KIF18A: variants seen among roughly 807,000 people sequenced by gnomAD.
KIF18A encodes the protein kinesin family member 18A, also known as kinesin-like protein KIF18A.
In KIF18A, 67 loss-of-function variants were observed where a neutral mutation model predicts 103.3. That is an observed-to-expected ratio of 0.65 (90% CI 0.53 to 0.79). KIF18A has a LOEUF of 0.79. Ranked by LOEUF, KIF18A falls within the 30% of genes least tolerant of loss-of-function variation. KIF18A has a pLI of 0.00. For missense variants in KIF18A, 1,032 were observed against 1,062.5 expected (o/e 0.97, Z 0.40); for synonymous variants, 367 against 355.5 (o/e 1.03, Z -0.36).
intron 3 of KIF18A, among the ~76,000 whole-genome samples, chr11:28,091,961 G>A (rs1031460120): frequency 6.6e-6 from 1 of 152,048 alleles, no homozygotes; most frequent in African/African-American, 2.4e-5. Context: ...GACTACTGGC[G>A]CCTGCCACCA....
At chr11:28,032,786 C>T (rs1314598781) in intron 15 of KIF18A, among the ~76,000 whole-genome samples, 1 of 151,802 alleles carries the variant, frequency 6.6e-6, no homozygotes, top group Non-Finnish European at 1.5e-5. Context: ...ATTGGGGAAA[C>T]TCTCCAGGAC....
Position 28,049,941 on chromosome 11 carries a change from C to T in KIF18A, c.1948+8985G>A, listed in dbSNP as rs142460575. Among the ~76,000 whole-genome samples the T allele has an allele frequency of 3.6e-3, 544 of 151,658 alleles. 3 individuals carry two copies. Among genetic ancestry groups the T allele is most frequent in the Middle Eastern group, 0.014 (4 of 290 alleles). ...ATTAACCAAATATAAGATAAGGTACCACTAAATTAACCAAACTAATAAACA... is the reference window on the plus strand; with the variant it reads ...ATTAACCAAATATAAGATAAGGTACTACTAAATTAACCAAACTAATAAACA... On this transcript the variant is annotated intron_variant, in intron 13 of 16. Coordinates refer to ENST00000263181, the MANE Select transcript of KIF18A (RefSeq NM_031217.4).
intron 15 of KIF18A, among the ~76,000 whole-genome samples, chr11:28,033,539 A>T (rs1437059441): frequency 1.3e-5 from 2 of 151,820 alleles, no homozygotes; most frequent in Non-Finnish European, 2.9e-5. Context: ...TGAAACAAGA[A>T]TGAGACCCTG....
intron 6 of KIF18A, among the ~76,000 whole-genome samples, chr11:28,087,695 C>T (rs559607141): frequency 2.6e-4 from 40 of 152,276 alleles, no homozygotes; most frequent in African/African-American, 9.4e-4. Context: ...CTAATTTACA[C>T]TCCCACCAAC....
intron 13 of KIF18A, among the ~76,000 whole-genome samples, chr11:28,053,020 A>G (rs899508367): frequency 6.6e-6 from 1 of 152,218 alleles, no homozygotes; most frequent in African/African-American, 2.4e-5. Context: ...AAGCATTGCC[A>G]TTACTTTCAA....
At chr11:28,028,959 C>A (rs980668717) in intron 15 of KIF18A, among the ~76,000 whole-genome samples, 3 of 152,112 alleles carry the variant, frequency 2.0e-5, no homozygotes, top group African/African-American at 7.2e-5. Context: ...GACACATACA[C>A]CCTCCCAAGA....
In KIF18A at chr11:28,091,469, T is replaced by C; in HGVS notation, c.528A>G (p.Pro176=). The C allele has an allele frequency of 6.2e-7, 1 of 1,611,910 alleles. No individual in the cohort carries two copies. The highest frequency in any genetic ancestry group is 8.5e-7 in the Non-Finnish European group (1 of 1,178,268). ...QIRDLLVNSG[P]LAVREDTQKG... is the part of the protein sequence containing the mutation. ...TTTGGGTATCTTCCCGGACAGCAAG[T>C]GGCCCTGAATTTACTAAGAGATCAC... The change falls in exon 4 of 17, where the codon CCA becomes CCG. Residue 176 remains proline, a synonymous_variant. Coordinates refer to ENST00000263181, the MANE Select transcript of KIF18A (RefSeq NM_031217.4).
chr11:28,103,490 A>G (rs1352789681), intron 1 of KIF18A, among the ~76,000 whole-genome samples: 2 of 152,114 alleles, frequency 1.3e-5, no homozygotes, highest in African/African-American at 2.4e-5. Flanking sequence ...GTATAAAACA[A>G]AAGGGTTAGA....
intron 15 of KIF18A, among the ~76,000 whole-genome samples, chr11:28,029,306 C>G (rs1218767517): frequency 6.6e-6 from 1 of 152,166 alleles, no homozygotes; most frequent in East Asian, 1.9e-4. Flanking sequence ...CCCAATCCAG[C>G]AGCACATCAA....
At chr11:28,106,022 A>C (rs1299351623) in intron 1 of KIF18A, among the ~76,000 whole-genome samples, 1 of 152,240 alleles carries the variant, frequency 6.6e-6, no homozygotes, top group Non-Finnish European at 1.5e-5. Context: ...TGTCAAATAT[A>C]AGTCAATTCA....
chr11:28,035,444 A>G lies in KIF18A; in HGVS notation c.2447T>C (p.Met816Thr), dbSNP rs767201950. 1.2e-6 allele frequency: 2 copies of G among 1,604,154 alleles called. No individual in the cohort carries two copies. The highest frequency in any genetic ancestry group is 2.2e-5 in the East Asian group (1 of 44,584). ...STKHSMPVPS[M>T]VPSYMAMTTA... ...AGTCATTGCCATGTAGGATGGCACC[A>G]TGCTTGGTACAGGCATAGAATGCTT... The change falls in exon 15 of 17, where the codon ATG (methionine) becomes ACG (threonine). Residue 816 changes from methionine (M) to threonine (T), a missense_variant. Met to Thr is a moderately conservative substitution (Grantham distance 81). Transcript: ENST00000263181.
chr11:28,070,961 T>C (rs534976459), intron 10 of KIF18A, among the ~76,000 whole-genome samples: 18 of 152,300 alleles, frequency 1.2e-4, no homozygotes, highest in African/African-American at 3.8e-4. Flanking sequence ...GGGGCTGATG[T>C]GGGAGCATCA....
At chr11:28,103,928 A>G (rs923749958) in intron 1 of KIF18A, among the ~76,000 whole-genome samples, 9 of 152,196 alleles carry the variant, frequency 5.9e-5, no homozygotes, top group Admixed American at 5.9e-4. Flanking sequence ...AAGTGTGGTT[A>G]AAATACTTTA....
chr11:28,059,276 G>T, intron 12 of KIF18A, 115 bp from the exon 13 acceptor site: 1 of 762,682 alleles, frequency 1.3e-6, no homozygotes, highest in Non-Finnish European at 2.1e-6. Flanking sequence ...AATTTCCCAT[G>T]TATGAACTGA....
At chr11:28,107,212 T>A (rs957517466) in intron 1 of KIF18A, among the ~76,000 whole-genome samples, 3 of 152,150 alleles carry the variant, frequency 2.0e-5, no homozygotes, top group Admixed American at 2.0e-4. Context: ...GGAATGACAC[T>A]AAAAATTAAA....
At position 28,024,505 on chromosome 11, in the gene KIF18A, C is replaced by G. The variant is rs76779821; in HGVS notation, c.2505-655G>C. 1.5e-3 allele frequency among the ~76,000 whole-genome samples: 227 copies of G among 151,620 alleles called. 7 individuals carry two copies. In the East Asian group the frequency reaches 0.038, roughly 25 times the overall value. ...ACATGATATACAAGTAAACAAGGCA[C>G]AAAAATCCCTGTCCTAAAAACTTAT... On this transcript the variant is annotated intron_variant, in intron 15 of 16. Coordinates refer to ENST00000263181, the MANE Select transcript of KIF18A (RefSeq NM_031217.4).
At chr11:28,037,877 T>A (rs1850514344) in intron 13 of KIF18A, among the ~76,000 whole-genome samples, 1 of 151,504 alleles carries the variant, frequency 6.6e-6, no homozygotes, top group Non-Finnish European at 1.5e-5. Flanking sequence ...TTCCATCTAG[T>A]AAATGTACAC....
chr11:28,052,882 A>G (rs2133516985), intron 13 of KIF18A, among the ~76,000 whole-genome samples: 1 of 152,290 alleles, frequency 6.6e-6, no homozygotes, highest in East Asian at 1.9e-4. Context: ...ACTATATCAG[A>G]AAAATGTCAA....
intron 13 of KIF18A, among the ~76,000 whole-genome samples, chr11:28,043,342 G>A (rs1025959253): frequency 6.6e-6 from 1 of 151,744 alleles, no homozygotes; most frequent in Non-Finnish European, 1.5e-5. Context: ...TCAGTGGACA[G>A]GAATATATTT....
Sources: gnomAD v4.1 joint callset for allele counts (sites outside exome capture counted in the v4.1 genomes callset) on GRCh38, gnomAD v4.1.1 for gene constraint, MANE v1.5 for transcripts, NCBI Gene and HGNC (gene_info 2026-07-23, HGNC 2026-07-21) for gene names.